The following RNF39 variants were observed in gnomAD, a reference collection of about 807,000 sequenced individuals.
RNF39 encodes ring finger protein 39, also known as LTP (long-term potentiation) induced RING finger protein.
A neutral mutation model predicts 29.2 loss-of-function variants in RNF39; 25 were observed. The observed-to-expected ratio is 0.86, with a 90% CI of 0.62 to 1.20. RNF39 has a LOEUF of 1.20. Ranked by LOEUF, RNF39 falls within the 50% of genes most tolerant of loss-of-function variation. The probability of loss-of-function intolerance (pLI) is 0.00; values close to 1 mark genes in which losing one functional copy is unlikely to be tolerated. For synonymous variants in RNF39, 219 were observed against 229.0 expected, an observed-to-expected ratio of 0.96 and a Z score of 0.40; for missense variants, 519 against 515.0, an observed-to-expected ratio of 1.01 and a Z score of -0.08.
intron 1 of RNF39, among the ~76,000 whole-genome samples, chr6:30,073,880 A>G (rs1766195146): frequency 6.6e-6 from 1 of 151,984 alleles, no homozygotes; most frequent in African/African-American, 2.4e-5. Context: ...TACCTTCCCC[A>G]GTGCATCCCA....
Position 30,071,795 on chromosome 6 carries a change from G to T in RNF39, c.479-104C>A. 9.9e-7 allele frequency: 1 copy of T among 1,015,200 alleles called. No homozygotes were observed. Among genetic ancestry groups the T allele is most frequent in the Non-Finnish European group, 1.3e-6 (1 of 742,896 alleles). 62.9% of individuals were successfully genotyped at this position (1,015,200 alleles called of 1,614,324 possible). A position where few individuals can be genotyped will look rare whatever the true frequency, so the allele number is the denominator to read the frequency against. On this transcript the variant is annotated intron_variant, in intron 3 of 3. Coordinates refer to ENST00000244360, the MANE Select transcript of RNF39 (RefSeq NM_025236.4). The surrounding 1 kb of genome is among the most constrained non-coding windows in gnomAD (Gnocchi z 5.0). ...ACGAAGATCACGTAAAAGACTGAGA[G>T]CTAGTGACCACACAACAGCTCAAAA...
At position 30,074,993 on chromosome 6, in the gene RNF39, G is replaced by C. The variant is rs1170591775; in HGVS notation, c.363+230C>G. Among the ~76,000 whole-genome samples, 1 of 151,862 alleles carries C rather than the reference G, an allele frequency of 6.6e-6. No individual in the cohort carries two copies. Among genetic ancestry groups the C allele is most frequent in the African/African-American group, 2.4e-5 (1 of 41,338 alleles). ...GCCCCTCTCACAAGGCTCAGGCATC[G>C]GTCCAGCCTCCTCCCCTGTGGACCA... On this transcript the variant is annotated intron_variant, in intron 1 of 3. Coordinates refer to ENST00000244360, the MANE Select transcript of RNF39 (RefSeq NM_025236.4). This position sits in a 1 kb window ranked among gnomAD's most constrained non-coding sequence, Gnocchi z 4.1.
intron 1 of RNF39, 67 bp downstream of exon 1, chr6:30,075,156 C>A: frequency 6.9e-7 from 1 of 1,458,048 alleles, no homozygotes; most frequent in Non-Finnish European, 9.1e-7. Flanking sequence ...TCCAGACGTG[C>A]CATTCCCGGC....
rs1379625838 is a variant in RNF39, at chr6:30,071,248, C to T, written c.922G>A (p.Val308Met). 1.3e-6 allele frequency: 2 copies of T among 1,511,394 alleles called. No individual in the cohort carries two copies. Among genetic ancestry groups the T allele is most frequent in the African/African-American group, 1.4e-5 (1 of 71,414 alleles). The allele number at this position is 1,511,394 out of a possible 1,614,324, so 93.6% of individuals were successfully genotyped here. ...RVDLDWERGRVAFYDGRSLDL... is the reference protein window; with the variant it reads ...RVDLDWERGRMAFYDGRSLDL... ...AGTGAGCGGCCGTCGTAGAAGGCCACGCGGCCCCGCTCCCAGTCCAGGTCC... is the reference window on the plus strand; with the variant it reads ...AGTGAGCGGCCGTCGTAGAAGGCCATGCGGCCCCGCTCCCAGTCCAGGTCC... Residue 308 changes from valine (V) to methionine (M), a missense_variant, in exon 4 of 4, where the codon GTG (valine) becomes ATG (methionine). By Grantham distance (21) the Val-to-Met change is conservative. Coordinates refer to ENST00000244360, the MANE Select transcript of RNF39 (RefSeq NM_025236.4). The surrounding 1 kb of genome is among the most constrained non-coding windows in gnomAD (Gnocchi z 5.0).
At position 30,075,548 on chromosome 6, in the gene RNF39, C is replaced by T. The variant is rs752561825; in HGVS notation, c.38G>A (p.Arg13His). 1 of 1,598,842 alleles carries T rather than the reference C, an allele frequency of 6.3e-7. No homozygotes were observed. Among genetic ancestry groups the T allele is most frequent in the Admixed American group, 1.7e-5 (1 of 58,440 alleles). ...AGGACACGTCGCCAGCTGCTCCAGA[C>T]GCTCCACCAGCCCCGGGCCCAGCTC... ...APELGPGLVE[R>H]LEQLATCPLC... is the part of the protein sequence containing the mutation. The change falls in exon 1 of 4, where the codon CGT becomes CAT. Residue 13 changes from arginine to histidine, a missense_variant. By Grantham distance (29) the Arg-to-His change is conservative. Transcript: ENST00000244360.
In RNF39 at chr6:30,070,486, G is replaced by C. The variant is rs1190239680; in HGVS notation, c.*625C>G. ...TTTCCGTGAGTATGTGCGGGGAGAA[G>C]TTTCAAGAAGGTTCTTATGGAAAAA... On this transcript the variant is annotated 3_prime_UTR_variant, in exon 4 of 4. Coordinates refer to ENST00000244360, the MANE Select transcript of RNF39 (RefSeq NM_025236.4). 1 of 251,554 alleles carries C rather than the reference G, an allele frequency of 4.0e-6. No homozygotes were observed. The highest frequency in any genetic ancestry group is 7.9e-6 in the Non-Finnish European group (1 of 126,122). 15.6% of individuals were successfully genotyped at this position (251,554 alleles called of 1,614,324 possible).
rs1241464673 is a variant in RNF39, at chr6:30,071,485, T to C, written c.685A>G (p.Arg229Gly). ...TCCGCATCCTCCCCAGAAGAGTCTCTGCAGGAGGCGGCGTCCGCAGTCTCC... is the reference window on the plus strand; with the variant it reads ...TCCGCATCCTCCCCAGAAGAGTCTCCGCAGGAGGCGGCGTCCGCAGTCTCC... The part of the protein sequence containing the change: ...EVETADAASC[R>G]DSSGEDADDE... The change falls in exon 4 of 4, where the codon AGA (arginine) becomes GGA (glycine). Residue 229 changes from arginine to glycine, a missense_variant. Transcript: ENST00000244360. This position sits in a 1 kb window ranked among gnomAD's most constrained non-coding sequence, Gnocchi z 5.0. The C allele has an allele frequency of 3.5e-5, 54 of 1,562,596 alleles. No individual in the cohort carries two copies. The highest frequency in any genetic ancestry group is 4.4e-5 in the Non-Finnish European group (51 of 1,159,340).
Position 30,071,617 on chromosome 6 carries a change from C to A in RNF39, c.553G>T (p.Ala185Ser). Residue 185 changes from alanine to serine, a missense_variant, in exon 4 of 4, where the codon GCC becomes TCC. Coordinates refer to ENST00000244360, the MANE Select transcript of RNF39 (RefSeq NM_025236.4). This position sits in a 1 kb window ranked among gnomAD's most constrained non-coding sequence, Gnocchi z 5.0. ...GGGGGCGCGGGCGTCCCTGGTGGGG[C>A]CAGTTGTACGCTGCGGCGGTCGGCG... is the stretch of plus-strand genomic sequence containing the variant. The part of the protein sequence containing the change: ...ISADRRSVQL[A>S]PPGTPAPPDG... 1.4e-6 allele frequency: 2 copies of A among 1,457,022 alleles called. No individual in the cohort carries two copies. The highest frequency in any genetic ancestry group is 5.4e-5 in the East Asian group (2 of 36,866). The allele number at this position is 1,457,022 out of a possible 1,614,324, so 90.3% of individuals were successfully genotyped here.
chr6:30,071,919 G>A lies in RNF39; in HGVS notation c.479-228C>T, dbSNP rs1006168389. Among the ~76,000 whole-genome samples, 3 of 152,142 alleles carry A rather than the reference G, an allele frequency of 2.0e-5. No homozygotes were observed. Among genetic ancestry groups the A allele is most frequent in the African/African-American group, 7.2e-5 (3 of 41,408 alleles). On this transcript the variant is annotated intron_variant, in intron 3 of 3. Transcript: ENST00000244360. The surrounding 1 kb of genome is among the most constrained non-coding windows in gnomAD (Gnocchi z 5.0). ...CACCACTTCTGTAGAATTGGACCTG[G>A]GGAAGGATCATACTGGCCCAGTGCA...
chr6:30,071,169 G>T lies in RNF39; in HGVS notation c.1001C>A (p.Pro334Gln). 1.3e-6 allele frequency: 2 copies of T among 1,526,950 alleles called. No homozygotes were observed. Among genetic ancestry groups the T allele is most frequent in the Non-Finnish European group, 1.8e-6 (2 of 1,138,714 alleles). The allele number at this position is 1,526,950 out of a possible 1,614,324, so 94.6% of individuals were successfully genotyped here. A position where few individuals can be genotyped will look rare whatever the true frequency, so the allele number is the denominator to read the frequency against. The change falls in exon 4 of 4, where the codon CCG (proline) becomes CAG (glutamine). Residue 334 changes from proline to glutamine, a missense_variant. Coordinates refer to ENST00000244360, the MANE Select transcript of RNF39 (RefSeq NM_025236.4). The surrounding 1 kb of genome is among the most constrained non-coding windows in gnomAD (Gnocchi z 5.0). ...ACGAGGGTCGCAGGTGCAGAACAGC[G>T]GGAAGATGCGCTCCCCCAGGGGGCC... ...APGPLGERIF[P>Q]LFCTCDPRAP...
rs2127326076 is a variant in RNF39 at position 30,075,206 on chromosome 6, C to T, written c.363+17G>A. ...CCCGCTTCCACCAACAACTCCGCGA[C>T]GCGCGCCCAGCCTCACCTCTCCGGG... is the stretch of plus-strand genomic sequence containing the variant. On this transcript the variant is annotated intron_variant, in intron 1 of 3. Coordinates refer to ENST00000244360, the MANE Select transcript of RNF39 (RefSeq NM_025236.4). The T allele has an allele frequency of 1.3e-6, 2 of 1,558,808 alleles. No individual in the cohort carries two copies. Among genetic ancestry groups the T allele is most frequent in the South Asian group, 1.2e-5 (1 of 85,490 alleles).
At chr6:30,073,365 C>G (rs986896663) in intron 2 of RNF39, 91 bp downstream of exon 2, 4 of 1,577,862 alleles carry the variant, frequency 2.5e-6, no homozygotes, top group Admixed American at 3.3e-5. Context: ...GAAAACCTGC[C>G]TATTAATGGG....
chr6:30,073,076 G>T, intron 3 of RNF39, 81 bp downstream of exon 3: 1 of 986,622 alleles, frequency 1.0e-6, no homozygotes, highest in Non-Finnish European at 1.6e-6. Flanking sequence ...AAAAGGACCT[G>T]ATCACTTTTT....
In RNF39 at chr6:30,075,268, T is replaced by G. The variant is rs370200516; in HGVS notation, c.318A>C (p.Arg106=). 6.4e-4 allele frequency: 1,019 copies of G among 1,599,244 alleles called. No individual in the cohort carries two copies. Among genetic ancestry groups the G allele is most frequent in the Non-Finnish European group, 7.9e-4 (934 of 1,176,608 alleles). ...AGCCCATGGTGGGGATGCGCCCCCCTCGGCGTCTCCCCGCACGGGCCCCAG... is the reference window on the plus strand; with the variant it reads ...AGCCCATGGTGGGGATGCGCCCCCCGCGGCGTCTCCCCGCACGGGCCCCAG... ...AEPGARAGRR[R]GGRIPTMGCL... The change falls in exon 1 of 4, where the codon CGA becomes CGC. Residue 106 remains arginine (R), a synonymous_variant. Transcript: ENST00000244360.
rs776173276 is a variant in RNF39 at position 30,071,626 on chromosome 6, C to T, written c.544G>A (p.Val182Ile). The T allele has an allele frequency of 4.2e-6, 6 of 1,443,254 alleles. No homozygotes were observed. Among genetic ancestry groups the T allele is most frequent in the Non-Finnish European group, 5.4e-6 (6 of 1,104,632 alleles). 89.4% of individuals were successfully genotyped at this position (1,443,254 alleles called of 1,614,324 possible). Reference sequence around the variant, plus strand: ...GGCGTCCCTGGTGGGGCCAGTTGTACGCTGCGGCGGTCGGCGGAGATGAGC... The same window carrying T: ...GGCGTCCCTGGTGGGGCCAGTTGTATGCTGCGGCGGTCGGCGGAGATGAGC... ...RLLISADRRS[V>I]QLAPPGTPAP... The change falls in exon 4 of 4, where the codon GTA (valine) becomes ATA (isoleucine). Residue 182 changes from valine (V) to isoleucine (I), a missense_variant. Physicochemically the swap from Val to Ile is conservative, Grantham distance 29. Transcript: ENST00000244360. This position sits in a 1 kb window ranked among gnomAD's most constrained non-coding sequence, Gnocchi z 5.0.
Position 30,070,829 on chromosome 6 carries a change from C to T in RNF39, c.*282G>A, listed in dbSNP as rs1460229073. 3 of 667,108 alleles carry T rather than the reference C, an allele frequency of 4.5e-6. No individual in the cohort carries two copies. In the East Asian group the frequency reaches 8.8e-5, roughly 20 times the overall value. The allele number at this position is 667,108 out of a possible 1,614,324, so 41.3% of individuals were successfully genotyped here. A position where few individuals can be genotyped will look rare whatever the true frequency, so the allele number is the denominator to read the frequency against. On this transcript the variant is annotated 3_prime_UTR_variant, in exon 4 of 4. Coordinates refer to ENST00000244360, the MANE Select transcript of RNF39 (RefSeq NM_025236.4). ...GGGAGGGCCTGTTCCCCATTGCAGG[C>T]CTAGAATGGTTTGAATGGGAGAAGT... is the stretch of plus-strand genomic sequence containing the variant.
In RNF39 at chr6:30,071,509, C is replaced by T; in HGVS notation, c.661G>A (p.Glu221Lys). 6.5e-7 allele frequency: 1 copy of T among 1,547,914 alleles called. No homozygotes were observed. The highest frequency in any genetic ancestry group is 8.7e-7 in the Non-Finnish European group (1 of 1,150,996). Residue 221 changes from glutamate to lysine, a missense_variant, in exon 4 of 4, where the codon GAG becomes AAG. By Grantham distance (56) the Glu-to-Lys change is moderately conservative. Transcript: ENST00000244360. This position sits in a 1 kb window ranked among gnomAD's most constrained non-coding sequence, Gnocchi z 5.0. ...CTGCAGGAGGCGGCGTCCGCAGTCT[C>T]CACCTCCCAGCAGTGGCGGCCGGCC... ...FGAGRHCWEV[E>K]TADAASCRDS...
chr6:30,073,287 T>G, intron 2 of RNF39, 39 bp from the exon 3 acceptor site: 1 of 1,516,856 alleles, frequency 6.6e-7, no homozygotes, highest in Middle Eastern at 1.7e-4. Flanking sequence ...ATCAGCCCTC[T>G]GATCCTAATG....
rs144310074 is a variant in RNF39, at chr6:30,072,664, CCA to C, written c.478+491_478+492del. ...AGGCTGAACTGTGCCCTCCCCCACT[CCA>C]CACACACACACAAAGATAGGTTGAA... On this transcript the variant is annotated intron_variant, in intron 3 of 3. Transcript: ENST00000244360. This position sits in a 1 kb window ranked among gnomAD's most constrained non-coding sequence, Gnocchi z 4.5. Among the ~76,000 whole-genome samples the C allele has an allele frequency of 1.3e-5, 2 of 151,744 alleles. No homozygotes were observed. The highest frequency in any genetic ancestry group is 4.9e-5 in the African/African-American group (2 of 41,212).
Sources: gnomAD v4.1 joint callset for allele counts (sites outside exome capture counted in the v4.1 genomes callset) on GRCh38, gnomAD v4.1.1 for gene constraint, Gnocchi (gnomAD v3.1) non-coding constraint, MANE v1.5 for transcripts, NCBI Gene and HGNC (gene_info 2026-07-23, HGNC 2026-07-21) for gene names.